USP32: variants seen among roughly 807,000 people sequenced by gnomAD.
USP32 encodes ubiquitin specific peptidase 32, also known as ubiquitin carboxyl-terminal hydrolase 32.
A neutral mutation model predicts 204.8 loss-of-function variants in USP32; 59 were observed. The observed-to-expected ratio is 0.29, with a 90% CI of 0.23 to 0.36. The LOEUF (loss-of-function observed/expected upper bound fraction) is 0.36. Among genes scored for constraint, USP32 ranks in the 10% least tolerant of loss-of-function variants. The pLI, the probability that USP32 is intolerant of heterozygous loss-of-function variation, is 1.00. For missense variants in USP32, 1,160 were observed against 1,946.4 expected (o/e 0.60, Z 7.60); for synonymous variants, 517 against 678.4 (o/e 0.76, Z 3.70).
chr17:60,309,142 T>C (rs549392443), intron 2 of USP32, among the ~76,000 whole-genome samples: 1 of 152,234 alleles, frequency 6.6e-6, no homozygotes, highest in South Asian at 2.1e-4. Flanking sequence ...CAAATGGGAT[T>C]TGATCAAGCT....
At chr17:60,300,021 C>A (rs2087533900) in intron 3 of USP32, among the ~76,000 whole-genome samples, 1 of 152,122 alleles carries the variant, frequency 6.6e-6, no homozygotes, top group African/African-American at 2.4e-5. Context: ...TCCCCTAATA[C>A]CATCACCTTG....
intron 9 of USP32, among the ~76,000 whole-genome samples, chr17:60,257,244 G>T (rs2086332886): frequency 6.6e-6 from 1 of 152,144 alleles, no homozygotes; most frequent in African/African-American, 2.4e-5. Context: ...TGGATTCTGG[G>T]ATTGGCAGAT....
At chr17:60,393,603 G>A (rs1399022739), upstream of USP32, among the ~76,000 whole-genome samples, 1 of 152,040 alleles carries the variant, frequency 6.6e-6, no homozygotes, top group Admixed American at 6.6e-5. Flanking sequence ...AGGTAATTTA[G>A]GGCCAGGGAA....
intron 5 of USP32, among the ~76,000 whole-genome samples, chr17:60,283,649 C>T (rs964724690): frequency 6.7e-6 from 1 of 148,624 alleles, no homozygotes; most frequent in Non-Finnish European, 1.5e-5. Context: ...GGATATAAAA[C>T]ACAGAAGGAA....
intron 2 of USP32, among the ~76,000 whole-genome samples, chr17:60,337,451 A>G (rs1422137596): frequency 6.6e-6 from 1 of 152,220 alleles, no homozygotes; most frequent in African/African-American, 2.4e-5. Flanking sequence ...CATTCTTTTA[A>G]TAGGATTTTG....
chr17:60,409,762 GGGTCACATT>G (rs1158727741), intron 1 of USP32, among the ~76,000 whole-genome samples: 1 of 152,120 alleles, frequency 6.6e-6, no homozygotes, highest in Non-Finnish European at 1.5e-5. Context: ...TGGCTTCCCT[GGGTCACATT>G]GGAAGAGGAA....
At chr17:60,337,661 G>T (rs2088554198) in intron 2 of USP32, among the ~76,000 whole-genome samples, 2 of 152,140 alleles carry the variant, frequency 1.3e-5, no homozygotes, top group South Asian at 4.1e-4. Context: ...AGGACTGCTT[G>T]AGCCTAAGAG....
chr17:60,398,470 A>G (rs1421373166), intron 1 of USP32, among the ~76,000 whole-genome samples: 1 of 152,156 alleles, frequency 6.6e-6, no homozygotes, highest in Non-Finnish European at 1.5e-5. Flanking sequence ...GAGGGAAGCA[A>G]AGAGAATCAA....
intron 30 of USP32, among the ~76,000 whole-genome samples, chr17:60,184,296 CAG>C (rs2084190854): frequency 7.0e-6 from 1 of 143,864 alleles, no homozygotes; most frequent in Non-Finnish European, 1.5e-5. Flanking sequence ...GCCTGGGCGA[CAG>C]AGTGAGACTC....
upstream of USP32, among the ~76,000 whole-genome samples, chr17:60,396,016 A>G (rs1169664512): frequency 6.9e-6 from 1 of 145,020 alleles, no homozygotes; most frequent in Non-Finnish European, 1.5e-5. Flanking sequence ...GTCAAACAAT[A>G]TGAGGATGTG....
At chr17:60,194,007 C>T (rs1474580732) in intron 27 of USP32, among the ~76,000 whole-genome samples, 2 of 152,058 alleles carry the variant, frequency 1.3e-5, no homozygotes, top group African/African-American at 4.8e-5. Context: ...TGAATGAAGC[C>T]TGGCTTTCTT....
At chr17:60,374,990 T>C (rs1365857764) in intron 1 of USP32, among the ~76,000 whole-genome samples, 1 of 152,192 alleles carries the variant, frequency 6.6e-6, no homozygotes, top group Admixed American at 6.5e-5. Flanking sequence ...AACACTAATT[T>C]GAAAAAAGAG....
intron 2 of USP32, among the ~76,000 whole-genome samples, chr17:60,309,925 T>G (rs528738121): frequency 6.6e-6 from 1 of 152,130 alleles, no homozygotes; most frequent in East Asian, 1.9e-4. Flanking sequence ...GTGCCTGTAA[T>G]CCAAGCTAGT....
intron 10 of USP32, 64 bp from the exon 11 acceptor site, chr17:60,252,506 G>A: frequency 8.1e-7 from 1 of 1,228,104 alleles, no homozygotes; most frequent in Non-Finnish European, 1.1e-6. Flanking sequence ...ATCTGCATGA[G>A]ACCCATTTCC....
At chr17:60,403,361 TCTG>T (rs1368388307) in intron 1 of USP32, among the ~76,000 whole-genome samples, 1 of 152,184 alleles carries the variant, frequency 6.6e-6, no homozygotes, top group Non-Finnish European at 1.5e-5. Context: ...CAGTGTCACT[TCTG>T]CTGCATTTTA....
At chr17:60,222,625 G>C (rs1176519075) in intron 14 of USP32, 76 bp from the exon 15 acceptor site, 3 of 1,418,152 alleles carry the variant, frequency 2.1e-6, no homozygotes, top group Non-Finnish European at 2.9e-6. Context: ...CCTAGAAACA[G>C]GAAAACAAAC....
intron 12 of USP32, among the ~76,000 whole-genome samples, chr17:60,228,753 G>T (rs576537494): frequency 6.6e-6 from 1 of 152,052 alleles, no homozygotes; most frequent in East Asian, 1.9e-4. Context: ...CAACCCAGGG[G>T]GTGGAGGTTG....
chr17:60,338,600 C>T (rs1038531945), intron 2 of USP32, among the ~76,000 whole-genome samples: 3 of 152,074 alleles, frequency 2.0e-5, no homozygotes, highest in Non-Finnish European at 2.9e-5. Flanking sequence ...CGTGGTGACA[C>T]GCACCTGTAT....
intron 30 of USP32, among the ~76,000 whole-genome samples, chr17:60,185,008 G>A (rs1450036955): frequency 1.3e-5 from 2 of 152,170 alleles, no homozygotes; most frequent in Non-Finnish European, 2.9e-5. Flanking sequence ...GTGCACTGGT[G>A]TGCTTGTGTA....
Sources: gnomAD v4.1 joint callset for allele counts (sites outside exome capture counted in the v4.1 genomes callset) on GRCh38, gnomAD v4.1.1 for gene constraint, MANE v1.5 for transcripts, NCBI Gene and HGNC (gene_info 2026-07-23, HGNC 2026-07-21) for gene names.